Variants in FOXP1 observed in about 807,000 individuals in gnomAD.
FOXP1 encodes the protein forkhead box P1.
In FOXP1, 15 loss-of-function variants were observed where a neutral mutation model predicts 98.2. The ratio of observed to expected loss-of-function variants is 0.15; its 90% CI spans 0.10 to 0.24. FOXP1 has a LOEUF of 0.24. Among genes scored for constraint, FOXP1 ranks in the 10% least tolerant of loss-of-function variants. The probability of loss-of-function intolerance (pLI) is 1.00; values close to 1 mark genes in which losing one functional copy is unlikely to be tolerated. For missense variants in FOXP1, 633 were observed against 848.5 expected (o/e 0.75, Z 3.15); for synonymous variants, 371 against 314.5 (o/e 1.18, Z -1.90).
At chr3:71,335,136 T>C (rs2076589941) in intron 4 of FOXP1, 1 of 151,868 alleles carries the variant, frequency 6.6e-6, no homozygotes, top group South Asian at 2.1e-4. Context: ...TTAAAAATCA[T>C]TAGCCAGGCA....
At chr3:71,582,904 G>A (rs1354482873) in intron 1 of FOXP1, 1 of 728,910 alleles carries the variant, frequency 1.4e-6, no homozygotes, top group Non-Finnish European at 1.7e-6. Flanking sequence ...GGGGCCCAGG[G>A]CCAGGCACCA....
intron 3 of FOXP1, among the ~76,000 whole-genome samples, chr3:71,418,116 GGTGT>G (rs60973104): frequency 0.021 from 3,022 of 147,242 alleles, 42 homozygotes; most frequent in African/African-American, 0.043. Flanking sequence ...TGTGCTTGTG[GGTGT>G]GTGTGTGTGT....
At chr3:71,219,246 C>G (rs952938073) in intron 5 of FOXP1, among the ~76,000 whole-genome samples, 1 of 152,166 alleles carries the variant, frequency 6.6e-6, no homozygotes, top group African/African-American at 2.4e-5. Flanking sequence ...TCTGGCCATG[C>G]CATAGCCCAT....
At chr3:71,203,543 T>G (rs2063799955) in intron 5 of FOXP1, among the ~76,000 whole-genome samples, 1 of 152,248 alleles carries the variant, frequency 6.6e-6, no homozygotes, top group Non-Finnish European at 1.5e-5. Context: ...ATAAAGCCCT[T>G]GTTATCATGC....
At chr3:71,099,118 G>A (rs867454300) in intron 7 of FOXP1, among the ~76,000 whole-genome samples, 4 of 152,152 alleles carry the variant, frequency 2.6e-5, no homozygotes, top group Admixed American at 6.5e-5. Context: ...TAAGCAAAAC[G>A]ATGGTCCACA....
chr3:71,201,967 A>G (rs1285740779), intron 5 of FOXP1, among the ~76,000 whole-genome samples: 4 of 152,212 alleles, frequency 2.6e-5, no homozygotes, highest in African/African-American at 7.2e-5. Context: ...AACTGCAGGT[A>G]GAATGCTGCT....
chr3:71,500,398 C>T (rs911632650), intron 2 of FOXP1, among the ~76,000 whole-genome samples: 7 of 152,192 alleles, frequency 4.6e-5, no homozygotes, highest in Admixed American at 3.9e-4. Flanking sequence ...CTGCTCCATT[C>T]CCCCATCTAT....
intron 7 of FOXP1, among the ~76,000 whole-genome samples, chr3:71,099,522 A>C (rs2056776436): frequency 6.6e-6 from 1 of 152,106 alleles, no homozygotes; most frequent in Non-Finnish European, 1.5e-5. Context: ...AACAAAGCAA[A>C]ACAAAACAAA....
At chr3:71,299,460 C>T (rs1162748584) in intron 5 of FOXP1, among the ~76,000 whole-genome samples, 1 of 152,232 alleles carries the variant, frequency 6.6e-6, no homozygotes, top group Non-Finnish European at 1.5e-5. Context: ...ACATGCGTTA[C>T]TCTTGTTTGC....
At chr3:71,023,505 G>A (rs776860738) in intron 11 of FOXP1, among the ~76,000 whole-genome samples, 2 of 152,110 alleles carry the variant, frequency 1.3e-5, no homozygotes, top group African/African-American at 2.4e-5. Context: ...GGCAGGCATC[G>A]ATGGAAGCCA....
chr3:71,144,791 C>A (rs1030919831), intron 6 of FOXP1, among the ~76,000 whole-genome samples: 12 of 152,052 alleles, frequency 7.9e-5, no homozygotes, highest in African/African-American at 2.9e-4. Flanking sequence ...ATACAGAAGG[C>A]CTCCACCACC....
intron 20 of FOXP1, 23 bp from the exon 21 acceptor site, chr3:70,959,414 C>G (rs762992611): frequency 6.2e-7 from 1 of 1,613,898 alleles, no homozygotes; most frequent in South Asian, 1.1e-5. Context: ...TGCAGAGGTT[C>G]AGTGAGGGTA....
At chr3:71,068,680 T>C (rs2107391564) in intron 7 of FOXP1, among the ~76,000 whole-genome samples, 1 of 152,356 alleles carries the variant, frequency 6.6e-6, no homozygotes, top group South Asian at 2.1e-4. Context: ...TTCCAATTAA[T>C]TTAATGGAGT....
At chr3:71,485,078 G>A (rs915524854) in intron 3 of FOXP1, among the ~76,000 whole-genome samples, 79 of 152,286 alleles carry the variant, frequency 5.2e-4, no homozygotes, top group African/African-American at 1.7e-3. Context: ...ATGGGCTGAT[G>A]AGGTCAGCAT....
chr3:70,988,473 T>TG (rs1478385826), intron 13 of FOXP1, among the ~76,000 whole-genome samples: 1 of 152,250 alleles, frequency 6.6e-6, no homozygotes, highest in Non-Finnish European at 1.5e-5. Context: ...CCTAGACAGA[T>TG]GGATACATTT....
chr3:71,336,893 T>C (rs2076718967), intron 4 of FOXP1, among the ~76,000 whole-genome samples: 3 of 152,244 alleles, frequency 2.0e-5, no homozygotes, highest in Admixed American at 2.0e-4. Flanking sequence ...GAGGGACATG[T>C]TGAACTGAGG....
chr3:71,378,101 A>C (rs556251811), intron 3 of FOXP1, among the ~76,000 whole-genome samples: 5,500 of 149,594 alleles, frequency 0.037, 309 homozygotes, highest in African/African-American at 0.13. Context: ...AAGAAACAAA[A>C]AAAAAAAAAA....
chr3:71,406,625 C>T (rs2082367573), intron 3 of FOXP1, among the ~76,000 whole-genome samples: 2 of 151,872 alleles, frequency 1.3e-5, no homozygotes, highest in South Asian at 4.2e-4. Context: ...ATAACCTCCC[C>T]TTCTCAAGGG....
At chr3:71,105,897 G>A (rs910555987) in intron 7 of FOXP1, among the ~76,000 whole-genome samples, 1 of 152,048 alleles carries the variant, frequency 6.6e-6, no homozygotes, top group African/African-American at 2.4e-5. Flanking sequence ...GGTTTCAGCT[G>A]TCTTTTTTTT....
Sources: gnomAD v4.1 joint callset for allele counts (sites outside exome capture counted in the v4.1 genomes callset) on GRCh38, gnomAD v4.1.1 for gene constraint, MANE v1.5 for transcripts, NCBI Gene and HGNC (gene_info 2026-07-23, HGNC 2026-07-21) for gene names.